Variants in GRIP1 observed in about 807,000 individuals in gnomAD.
GRIP1 encodes glutamate receptor interacting protein 1.
Under a neutral mutation model 129.9 loss-of-function variants are expected in GRIP1, and 45 were observed. That is an observed-to-expected ratio of 0.35 (90% CI 0.27 to 0.44). The LOEUF is 0.44. Ranked by LOEUF, GRIP1 falls within the 20% of genes least tolerant of loss-of-function variation. GRIP1 has a pLI of 1.00. For synonymous variants in GRIP1, 530 were observed against 520.8 expected (o/e 1.02, Z -0.24); for missense variants, 1,196 against 1,396.8 (o/e 0.86, Z 2.29).
At chr12:66,784,324 G>A (rs991482972) in intron 1 of GRIP1, among the ~76,000 whole-genome samples, 2 of 152,102 alleles carry the variant, frequency 1.3e-5, no homozygotes, top group African/African-American at 4.8e-5. Flanking sequence ...TTTCCCAATA[G>A]TAACATTGAT....
intron 15 of GRIP1, among the ~76,000 whole-genome samples, chr12:66,410,358 A>T (rs1400017178): frequency 6.9e-6 from 1 of 144,454 alleles, no homozygotes; most frequent in Non-Finnish European, 1.5e-5. Flanking sequence ...TGGGCCAGGC[A>T]TGGTGGCTCA....
chr12:66,854,481 TGGA>T (rs1195987924), intron 1 of GRIP1, among the ~76,000 whole-genome samples: 195 of 147,112 alleles, frequency 1.3e-3, no homozygotes, highest in Non-Finnish European at 2.5e-3. Context: ...AGGAATGGTG[TGGA>T]GGGGGGCTTT....
At chr12:66,845,699 C>A (rs536490479) in intron 1 of GRIP1, among the ~76,000 whole-genome samples, 6 of 152,010 alleles carry the variant, frequency 3.9e-5, no homozygotes, top group Non-Finnish European at 8.8e-5. Context: ...ATCTTTTGAG[C>A]CTCAAACATT....
At position 66,886,574 on chromosome 12, in the gene GRIP1, C is replaced by T. The variant is rs534865226; in HGVS notation, c.58+182476G>A. Among the ~76,000 whole-genome samples, 43 of 152,210 alleles carry T rather than the reference C, an allele frequency of 2.8e-4. No individual in the cohort carries two copies. In the South Asian group the frequency reaches 8.7e-3, roughly 31 times the overall value. On this transcript the variant is annotated intron_variant, in intron 1 of 1. Transcript: ENST00000643019. ...CTCATATTCCCAAATGTAAAATCTC[C>T]TAACGACCCATAAGAGGAGACTCCT...
At chr12:66,904,655 G>A (rs2040899204) in intron 1 of GRIP1, among the ~76,000 whole-genome samples, 1 of 152,156 alleles carries the variant, frequency 6.6e-6, no homozygotes. Flanking sequence ...CATTTTGGGA[G>A]GCCAAGGTAG....
chr12:66,707,685 CCT>C (rs959959456), intron 1 of GRIP1, among the ~76,000 whole-genome samples: 2 of 151,966 alleles, frequency 1.3e-5, no homozygotes, highest in African/African-American at 4.8e-5. Context: ...CCTGCATATT[CCT>C]CTTTTACAAA....
At chr12:66,990,112 C>T (rs554092705) in intron 1 of GRIP1, among the ~76,000 whole-genome samples, 16 of 152,282 alleles carry the variant, frequency 1.1e-4, no homozygotes, top group Non-Finnish European at 2.4e-4. Context: ...AAAATACTGT[C>T]TCAAATTCCA....
intron 1 of GRIP1, among the ~76,000 whole-genome samples, chr12:66,893,649 C>A (rs1481179632): frequency 6.6e-6 from 1 of 152,148 alleles, no homozygotes; most frequent in Admixed American, 6.6e-5. Context: ...GGGACTATTA[C>A]AAATAAAGCT....
chr12:66,853,189 C>T (rs759282167), intron 1 of GRIP1, among the ~76,000 whole-genome samples: 4 of 151,568 alleles, frequency 2.6e-5, no homozygotes, highest in South Asian at 4.2e-4. Context: ...CACCAGGAAA[C>T]GGAGATTTTA....
intron 1 of GRIP1, among the ~76,000 whole-genome samples, chr12:66,828,628 C>G (rs935309567): frequency 6.6e-6 from 1 of 152,090 alleles, no homozygotes; most frequent in East Asian, 1.9e-4. Flanking sequence ...ATTTTTCAGT[C>G]TTTCTTATAA....
chr12:66,942,526 T>C (rs2041603292), intron 1 of GRIP1, among the ~76,000 whole-genome samples: 1 of 152,202 alleles, frequency 6.6e-6, no homozygotes, highest in African/African-American at 2.4e-5. Flanking sequence ...ATATTTTAAA[T>C]AGTCTGTGGG....
chr12:66,900,514 A>AC (rs2040827705), intron 1 of GRIP1, among the ~76,000 whole-genome samples: 1 of 152,096 alleles, frequency 6.6e-6, no homozygotes, highest in African/African-American at 2.4e-5. Flanking sequence ...TGCTTAAGCC[A>AC]CCCAGTCTTA....
intron 1 of GRIP1, among the ~76,000 whole-genome samples, chr12:66,693,952 A>G (rs2035065869): frequency 6.6e-6 from 1 of 152,148 alleles, no homozygotes; most frequent in Non-Finnish European, 1.5e-5. Context: ...CCAACTTGCT[A>G]TCTAATTTCA....
At chr12:66,936,105 G>A (rs1418685966) in intron 1 of GRIP1, among the ~76,000 whole-genome samples, 2 of 152,144 alleles carry the variant, frequency 1.3e-5, no homozygotes, top group South Asian at 2.1e-4. Context: ...ATGTGCCCAG[G>A]GGGCAGTGTG....
chr12:66,886,540 G>GA (rs1421617953), intron 1 of GRIP1, among the ~76,000 whole-genome samples: 1 of 152,010 alleles, frequency 6.6e-6, no homozygotes, highest in East Asian at 1.9e-4. Context: ...TTTCCCTGTT[G>GA]AAAATGCTCT....
intron 1 of GRIP1, among the ~76,000 whole-genome samples, chr12:67,000,157 A>T (rs1408909541): frequency 2.0e-5 from 3 of 152,166 alleles, no homozygotes; most frequent in African/African-American, 7.2e-5. Context: ...TCTGTCTTGT[A>T]CATCTCTTTC....
At chr12:66,640,558 T>C (rs578049570) in intron 1 of GRIP1, among the ~76,000 whole-genome samples, 3 of 152,324 alleles carry the variant, frequency 2.0e-5, no homozygotes, top group South Asian at 4.1e-4. Flanking sequence ...CTCCTTCTTA[T>C]GTCCATTAAA....
chr12:66,921,468 T>C (rs771446101), intron 1 of GRIP1, among the ~76,000 whole-genome samples: 20 of 152,206 alleles, frequency 1.3e-4, no homozygotes, highest in Non-Finnish European at 2.1e-4. Flanking sequence ...TTTACTTCTA[T>C]TAAAATATTT....
intron 7 of GRIP1, among the ~76,000 whole-genome samples, chr12:66,466,935 C>T (rs2059302927): frequency 1.3e-5 from 2 of 152,124 alleles, no homozygotes; most frequent in African/African-American, 4.8e-5. Context: ...AGGTAATATG[C>T]ACTGACTCAT....
Sources: allele counts gnomAD v4.1 joint callset (sites outside exome capture counted in the v4.1 genomes callset), GRCh38; gene constraint gnomAD v4.1.1; transcripts MANE v1.5; gene names NCBI Gene and HGNC (gene_info 2026-07-23, HGNC 2026-07-21).